The following CD163L1 variants were observed in gnomAD, a reference collection of about 807,000 sequenced individuals.
The protein encoded by CD163L1 is scavenger receptor cysteine-rich type 1 protein M160.
Under a neutral mutation model 165.4 loss-of-function variants are expected in CD163L1, and 124 were observed. The ratio of observed to expected loss-of-function variants is 0.75; its 90% CI spans 0.65 to 0.87. CD163L1 has a LOEUF of 0.87. Among genes scored for constraint, CD163L1 ranks in the 40% least tolerant of loss-of-function variants. CD163L1 has a pLI of 0.00. For missense variants in CD163L1, 1,525 were observed against 1,799.9 expected, an observed-to-expected ratio of 0.85 and a Z score of 2.76; for synonymous variants, 585 against 662.2, an observed-to-expected ratio of 0.88 and a Z score of 1.79.
intron 4 of CD163L1, among the ~76,000 whole-genome samples, chr12:7,424,278 C>A (rs757460176): frequency 1.5e-5 from 1 of 68,010 alleles, no homozygotes; most frequent in Non-Finnish European, 2.9e-5. Context: ...AATTCAACAT[C>A]CCTTCATGGT....
At chr12:7,421,062 T>C (rs1181037181) in intron 4 of CD163L1, among the ~76,000 whole-genome samples, 1 of 105,472 alleles carries the variant, frequency 9.5e-6, no homozygotes, top group Non-Finnish European at 1.8e-5. Flanking sequence ...TATACGTATA[T>C]ATGTATATAT....
At chr12:7,332,798 A>G in the CD163L1 span, among the ~76,000 whole-genome samples, 3 of 152,232 alleles carry the variant, frequency 2.0e-5, no homozygotes, top group African/African-American at 4.8e-5. Context: ...AAACATGGAA[A>G]GGAACAACCA....
the CD163L1 span, among the ~76,000 whole-genome samples, chr12:7,320,298 G>T: frequency 2.0e-5 from 3 of 152,174 alleles, no homozygotes; most frequent in Non-Finnish European, 4.4e-5. Context: ...AAAGACTAAT[G>T]TATTTTATAG....
At chr12:7,321,415 A>G in the CD163L1 span, among the ~76,000 whole-genome samples, 1 of 152,226 alleles carries the variant, frequency 6.6e-6, no homozygotes, top group African/African-American at 2.4e-5. Flanking sequence ...CAAATTAAGT[A>G]GCATAGGCTT....
rs905964213 is a variant in CD163L1, at chr12:7,387,029, C to T, written c.2051-7731G>A. Among the ~76,000 whole-genome samples the T allele has an allele frequency of 2.0e-5, 3 of 152,096 alleles. No individual in the cohort carries two copies. The East Asian group carries it at 5.8e-4, about 29-fold the overall frequency. On this transcript the variant is annotated intron_variant, in intron 8 of 19. Coordinates refer to ENST00000313599, the MANE Select transcript of CD163L1 (RefSeq NM_174941.6). ...TCATCCAAATCAGAAAAGAGAAAGTCAAATTGTCCATCTTTGCAGATGACA... is the reference window on the plus strand; with the variant it reads ...TCATCCAAATCAGAAAAGAGAAAGTTAAATTGTCCATCTTTGCAGATGACA...
the CD163L1 span, among the ~76,000 whole-genome samples, chr12:7,339,950 G>C: frequency 6.6e-6 from 1 of 152,124 alleles, no homozygotes; most frequent in South Asian, 2.1e-4. Context: ...AGCCTGAGGA[G>C]ACTGAAAGTC....
At chr12:7,337,023 G>A in the CD163L1 span, among the ~76,000 whole-genome samples, 2 of 151,942 alleles carry the variant, frequency 1.3e-5, no homozygotes, top group African/African-American at 2.4e-5. Context: ...ACCACACATC[G>A]AGAACCATCT....
the CD163L1 span, among the ~76,000 whole-genome samples, chr12:7,335,179 A>T: frequency 1.3e-5 from 2 of 152,094 alleles, no homozygotes; most frequent in African/African-American, 2.4e-5. Context: ...AGCCTGCATC[A>T]CCAAGTCAAT....
At position 7,368,769 on chromosome 12, in the gene CD163L1, T is replaced by C. The variant is rs1030997743; in HGVS notation, c.4072+164A>G. On this transcript the variant is annotated intron_variant, in intron 16 of 19. Coordinates refer to ENST00000313599, the MANE Select transcript of CD163L1 (RefSeq NM_174941.6). This position sits in a 1 kb window ranked among gnomAD's most constrained non-coding sequence, Gnocchi z 4.3. ...GATTTTTCTAGAGAGAAGGACTGCA[T>C]AGCAAAGCAGTCACAGAGCTATTGA... is the stretch of plus-strand genomic sequence containing the variant. The C allele has an allele frequency of 1.4e-6, 1 of 714,798 alleles. No individual in the cohort carries two copies. Among genetic ancestry groups the C allele is most frequent in the African/African-American group, 1.8e-5 (1 of 56,544 alleles). The allele number at this position is 714,798 out of a possible 1,614,324, so 44.3% of individuals were successfully genotyped here.
intron 14 of CD163L1, 127 bp downstream of exon 14, chr12:7,373,193 T>G: frequency 1.4e-6 from 1 of 735,020 alleles, no homozygotes. Flanking sequence ...ATGCGATAAA[T>G]CAGCACTTAT....
chr12:7,385,699 C>T (rs1947501478), intron 8 of CD163L1, among the ~76,000 whole-genome samples: 3 of 151,660 alleles, frequency 2.0e-5, no homozygotes. Context: ...AAATCAACGA[C>T]AAGATAAATT....
At chr12:7,425,432 T>G (rs1251328206) in intron 4 of CD163L1, among the ~76,000 whole-genome samples, 1 of 152,120 alleles carries the variant, frequency 6.6e-6, no homozygotes, top group African/African-American at 2.4e-5. Flanking sequence ...GGGCAAAGAC[T>G]TTATGACTAA....
chr12:7,439,291 A>C, intron 2 of CD163L1: 2 of 1,556,764 alleles, frequency 1.3e-6, no homozygotes, highest in Non-Finnish European at 1.7e-6. Flanking sequence ...TAAATCTCTT[A>C]TTTCACCCTT....
intron 8 of CD163L1, among the ~76,000 whole-genome samples, chr12:7,382,443 C>G (rs953912469): frequency 3.3e-5 from 5 of 152,136 alleles, no homozygotes; most frequent in African/African-American, 1.2e-4. Flanking sequence ...TGATAGGGAA[C>G]AGATCCTTCT....
chr12:7,386,487 G>A (rs189197440), intron 8 of CD163L1, among the ~76,000 whole-genome samples: 1 of 150,846 alleles, frequency 6.6e-6, no homozygotes, highest in Admixed American at 6.7e-5. Context: ...GTATTACCCT[G>A]ATACCAAAAC....
chr12:7,384,270 T>G (rs1947470358), intron 8 of CD163L1, among the ~76,000 whole-genome samples: 1 of 152,042 alleles, frequency 6.6e-6, no homozygotes, highest in African/African-American at 2.4e-5. Flanking sequence ...TTTTTTCAAT[T>G]AAAAAACCTT....
In CD163L1 at chr12:7,368,980, G is replaced by T; in HGVS notation, c.4040-15C>A. ...CAGCGACTGTCCTGAGAGAGAGAGA[G>T]AGAGAGAGAGACGTAAATGAACGAA... On this transcript the variant is annotated splice_polypyrimidine_tract_variant and intron_variant, in intron 15 of 19. Transcript: ENST00000313599. The surrounding 1 kb of genome is among the most constrained non-coding windows in gnomAD (Gnocchi z 4.3). 1 of 1,612,248 alleles carries T rather than the reference G, an allele frequency of 6.2e-7. No individual in the cohort carries two copies.
At chr12:7,345,868 C>CA (rs1946666222), downstream of CD163L1, among the ~76,000 whole-genome samples, 1 of 152,152 alleles carries the variant, frequency 6.6e-6, no homozygotes, top group Admixed American at 6.5e-5. Flanking sequence ...AGTGGCTTAT[C>CA]ACATGGCAAG....
At chr12:7,327,263 C>T in the CD163L1 span, among the ~76,000 whole-genome samples, 1 of 152,120 alleles carries the variant, frequency 6.6e-6, no homozygotes, top group African/African-American at 2.4e-5. Context: ...TATATTAGAA[C>T]GGTATAAGTG....
Sources: allele counts gnomAD v4.1 joint callset (sites outside exome capture counted in the v4.1 genomes callset), GRCh38; gene constraint gnomAD v4.1.1; non-coding constraint Gnocchi (gnomAD v3.1); transcripts MANE v1.5; gene names NCBI Gene and HGNC (gene_info 2026-07-23, HGNC 2026-07-21).